ANKRD44: variants seen among roughly 807,000 people sequenced by gnomAD.
The protein encoded by ANKRD44 is serine/threonine-protein phosphatase 6 regulatory ankyrin repeat subunit B.
ANKRD44 carries 35 observed loss-of-function variants against 116.0 expected under a neutral mutation model. The observed-to-expected ratio is 0.30, with a 90% CI of 0.23 to 0.40. The LOEUF (loss-of-function observed/expected upper bound fraction) is 0.40, where lower values mean the gene tolerates loss of function less well. ANKRD44 is among the 10% of genes least tolerant of loss of function. The pLI is 1.00. For missense variants in ANKRD44, 1,014 were observed against 1,242.6 expected (o/e 0.82, Z 2.77); for synonymous variants, 435 against 461.8 (o/e 0.94, Z 0.74).
At chr2:197,046,641 CA>C (rs11381131) in intron 16 of ANKRD44, among the ~76,000 whole-genome samples, 19 of 145,618 alleles carry the variant, frequency 1.3e-4, no homozygotes, top group Admixed American at 2.7e-4. Flanking sequence ...GCGAGACTGG[CA>C]AAAAAAAAAA....
In ANKRD44 at chr2:196,993,648, C is replaced by T; in HGVS notation, c.2858G>A (p.Gly953Asp). Residue 953 changes from glycine (G) to aspartate (D), a missense_variant, in exon 27 of 28, where the codon GGC becomes GAC. By Grantham distance (94) the Gly-to-Asp change is moderately conservative (BLOSUM62 -1). Transcript: ENST00000282272. ...CAACTCCTCAACTACCACCTTTAAG[C>T]CATTGCGCGCAGCGACGTGGAGGGG... is the stretch of plus-strand genomic sequence containing the variant. ...QTPLHVAARN[G>D]LKVVVEELLA... 6.4e-7 allele frequency: 1 copy of T among 1,551,014 alleles called. No individual in the cohort carries two copies. The highest frequency in any genetic ancestry group is 2.0e-5 in the Admixed American group (1 of 50,994).
intron 8 of ANKRD44, among the ~76,000 whole-genome samples, chr2:197,119,671 A>G (rs146532835): frequency 6.6e-6 from 1 of 152,368 alleles, no homozygotes; most frequent in East Asian, 1.9e-4. Context: ...GAAGGTTATT[A>G]AAATAGACTG....
Position 197,305,973 on chromosome 2 carries a change from A to ATATATATATG in ANKRD44, c.27+4604_27+4605insCATATATATA, listed in dbSNP as rs979791129. Reference sequence around the variant, plus strand: ...ATAATGACCGCAGTTCGTTTTATATATATATATATATATATATATGAAAAA... The same window carrying ATATATATATG: ...ATAATGACCGCAGTTCGTTTTATATATATATATATGTATATATATATATATATATGAAAAA... On this transcript the variant is annotated intron_variant, in intron 1 of 27. Transcript: ENST00000282272. Among the ~76,000 whole-genome samples, 15 of 144,286 alleles carry ATATATATATG rather than the reference A, an allele frequency of 1.0e-4. 1 individual carries two copies. Among genetic ancestry groups the ATATATATATG allele is most frequent in the African/African-American group, 4.0e-4 (15 of 37,868 alleles). 94.7% of individuals were successfully genotyped at this position (144,286 alleles called of 152,430 possible). A position where few individuals can be genotyped will look rare whatever the true frequency, so the allele number is the denominator to read the frequency against.
At position 197,109,323 on chromosome 2, in the gene ANKRD44, C is replaced by T. The variant is rs2078511642; in HGVS notation, c.985+1443G>A. 2.0e-5 allele frequency among the ~76,000 whole-genome samples: 3 copies of T among 152,138 alleles called. No individual in the cohort carries two copies. In the South Asian group the frequency reaches 6.2e-4, roughly 32 times the overall value. On this transcript the variant is annotated intron_variant, in intron 9 of 27. Transcript: ENST00000282272. ...CATTCAGCAAAATAAAACACGGTGG[C>T]CTTTTCAATAAAATGAATGTCAAAG...
intron 1 of ANKRD44, among the ~76,000 whole-genome samples, chr2:197,254,072 A>G (rs1363016072): frequency 2.6e-5 from 4 of 152,200 alleles, no homozygotes; most frequent in East Asian, 1.9e-4. Flanking sequence ...AAAATACTCA[A>G]TAACTCAACA....
At chr2:197,142,104 A>G (rs533665431) in intron 3 of ANKRD44, among the ~76,000 whole-genome samples, 1 of 152,334 alleles carries the variant, frequency 6.6e-6, no homozygotes, top group Admixed American at 6.5e-5. Flanking sequence ...GGCCCAATCC[A>G]TCAGACATGA....
intron 2 of ANKRD44, among the ~76,000 whole-genome samples, chr2:197,164,212 G>A (rs1371088606): frequency 6.6e-6 from 1 of 152,194 alleles, no homozygotes; most frequent in East Asian, 1.9e-4. Flanking sequence ...CTGAGTGGGG[G>A]CTTTCTACAT....
intron 23 of ANKRD44, among the ~76,000 whole-genome samples, 184 bp downstream of exon 23, chr2:197,000,235 G>A (rs2076090313): frequency 6.6e-6 from 1 of 152,082 alleles, no homozygotes. Flanking sequence ...CTTTCTCTGT[G>A]GAAGAGGCTA....
At position 196,995,069 on chromosome 2, in the gene ANKRD44, A is replaced by G. The variant is rs187585413; in HGVS notation, c.2831+310T>C. The G allele has an allele frequency of 3.9e-3, 759 of 197,068 alleles. 11 individuals carry two copies. Among genetic ancestry groups the G allele is most frequent in the African/African-American group, 0.017 (716 of 43,312 alleles). 12.2% of individuals were successfully genotyped at this position (197,068 alleles called of 1,614,324 possible). A position where few individuals can be genotyped will look rare whatever the true frequency, so the allele number is the denominator to read the frequency against. ...CATAATACAAATAGTTTCCCCAAAT[A>G]TGTCAGTCCATAAAATTTTTCTAAC... On this transcript the variant is annotated intron_variant, in intron 26 of 27. Coordinates refer to ENST00000282272, the MANE Select transcript of ANKRD44 (RefSeq NM_001195144.2).
At chr2:197,211,850 A>T (rs2081331829) in intron 1 of ANKRD44, among the ~76,000 whole-genome samples, 1 of 151,996 alleles carries the variant, frequency 6.6e-6, no homozygotes, top group African/African-American at 2.4e-5. Flanking sequence ...ACGACGCAGC[A>T]CAAAGAAGCC....
chr2:197,017,112 A>G (rs2076407017), intron 17 of ANKRD44, among the ~76,000 whole-genome samples: 1 of 152,232 alleles, frequency 6.6e-6, no homozygotes, highest in African/African-American at 2.4e-5. Flanking sequence ...GAAAAAAGCA[A>G]TCATACACTC....
chr2:197,278,517 C>T (rs976156570), intron 1 of ANKRD44, among the ~76,000 whole-genome samples: 5 of 152,100 alleles, frequency 3.3e-5, no homozygotes, highest in Admixed American at 1.3e-4. Context: ...CCACCACGCC[C>T]GGTTAATTTT....
rs2078252332 is a variant in ANKRD44, at chr2:197,099,997, C to T, written c.986-67G>A. The T allele has an allele frequency of 4.3e-6, 6 of 1,411,380 alleles. No individual in the cohort carries two copies. In the Admixed American group the frequency reaches 7.2e-5, roughly 17 times the overall value. The allele number at this position is 1,411,380 out of a possible 1,614,324, so 87.4% of individuals were successfully genotyped here. ...GTTGATTCAGGTCCTATGTTCTCTG[C>T]TAGTCTCTCGTATCAACCAAATGTT... On this transcript the variant is annotated intron_variant, in intron 9 of 27. Transcript: ENST00000282272.
rs775413960 is a variant in ANKRD44 at position 197,186,981 on chromosome 2, A to G, written c.111+42T>C. On this transcript the variant is annotated intron_variant, in intron 2 of 27. Transcript: ENST00000282272. ...AAGGTTAAGAGTCCTTTCCTGCTCC[A>G]GGCTAACAGGGCCTGAGTAGCAAAA... 11 of 1,557,396 alleles carry G rather than the reference A, an allele frequency of 7.1e-6. No individual in the cohort carries two copies. The South Asian group carries it at 1.2e-4, about 17-fold the overall frequency.
At chr2:197,055,067 T>C (rs1158914842) in intron 16 of ANKRD44, among the ~76,000 whole-genome samples, 4 of 152,222 alleles carry the variant, frequency 2.6e-5, no homozygotes, top group Non-Finnish European at 5.9e-5. Flanking sequence ...ATTTCTAACC[T>C]ATAACACTGT....
Position 197,125,912 on chromosome 2 carries a change from C to G in ANKRD44, c.387G>C (p.Leu129=). Residue 129 remains leucine (L), a synonymous_variant, in exon 5 of 28, where the codon CTG becomes CTC. Coordinates refer to ENST00000282272, the MANE Select transcript of ANKRD44 (RefSeq NM_001195144.2). Reference sequence around the variant, plus strand: ...GGTCGGAGACATTGACACTGCTCAGCAGGGGAATGATCACTTCTGCACATT... The same window carrying G: ...GGTCGGAGACATTGACACTGCTCAGGAGGGGAATGATCACTTCTGCACATT... The part of the protein sequence containing the change: ...AVKCAEVIIP[L]LSSVNVSDRG... 2 of 1,614,198 alleles carry G rather than the reference C, an allele frequency of 1.2e-6. No individual in the cohort carries two copies. The highest frequency in any genetic ancestry group is 1.7e-6 in the Non-Finnish European group (2 of 1,180,042).
In ANKRD44 at chr2:196,996,042, A is replaced by G. The variant is rs1050483915; in HGVS notation, c.2749-581T>C. Among the ~76,000 whole-genome samples, 5 of 152,200 alleles carry G rather than the reference A, an allele frequency of 3.3e-5. No individual in the cohort carries two copies. The East Asian group carries it at 9.6e-4, about 29-fold the overall frequency. On this transcript the variant is annotated intron_variant, in intron 25 of 27. Transcript: ENST00000282272. ...GATAGATGGTTAATAATTTTTGAAA[A>G]TCAACTGATGAGTCAGAGACTCTTA...
chr2:197,122,708 G>C lies in ANKRD44; in HGVS notation c.635C>G (p.Ala212Gly). The C allele has an allele frequency of 6.2e-7, 1 of 1,614,214 alleles. No individual in the cohort carries two copies. The highest frequency in any genetic ancestry group is 8.5e-7 in the Non-Finnish European group (1 of 1,180,026). The change falls in exon 7 of 28, where the codon GCT (alanine) becomes GGT (glycine). Residue 212 changes from alanine to glycine, a missense_variant. Transcript: ENST00000282272. The stretch of plus-strand genomic sequence containing the variant: ...ATTAATCTGTCCATTGGAGGCTGCA[G>C]CATGCAGAGGGGTATAACCCTTCTT... The part of the protein sequence containing the change: ...KDKKGYTPLH[A>G]AASNGQINVV...
At chr2:197,062,338 C>T (rs2077333080) in intron 16 of ANKRD44, among the ~76,000 whole-genome samples, 1 of 152,220 alleles carries the variant, frequency 6.6e-6, no homozygotes, top group Non-Finnish European at 1.5e-5. Flanking sequence ...ATTGGTATGG[C>T]ACTGGGTATT....
Sources: allele counts gnomAD v4.1 joint callset (sites outside exome capture counted in the v4.1 genomes callset), GRCh38; gene constraint gnomAD v4.1.1; transcripts MANE v1.5; gene names NCBI Gene and HGNC (gene_info 2026-07-23, HGNC 2026-07-21).